CSMD1: variants seen among roughly 807,000 people sequenced by gnomAD.
CSMD1 encodes CUB and sushi domain-containing protein 1.
CSMD1 carries 213 observed loss-of-function variants against 417.5 expected under a neutral mutation model. That is an observed-to-expected ratio of 0.51 (90% CI 0.46 to 0.57). The LOEUF is 0.57. CSMD1 is among the 20% of genes least tolerant of loss of function. CSMD1 has a pLI of 0.00. For missense variants in CSMD1, 6,923 were observed against 4,529.7 expected, an observed-to-expected ratio of 1.53 and a Z score of -15.17; for synonymous variants, 2,862 against 1,736.8, an observed-to-expected ratio of 1.65 and a Z score of -16.11.
In CSMD1 at chr8:4,063,518, C is replaced by T. The variant is rs139390538; in HGVS notation, c.416-31419G>A. Among the ~76,000 whole-genome samples the T allele has an allele frequency of 1.3e-3, 192 of 152,212 alleles. 1 individual carries two copies. The highest frequency in any genetic ancestry group is 2.2e-3 in the Admixed American group (34 of 15,280). Reference sequence around the variant, plus strand: ...AAACAAAACAGAACTATTCTGTGTGCCACAGTTTTAATACCAAGAAAAATA... The same window carrying T: ...AAACAAAACAGAACTATTCTGTGTGTCACAGTTTTAATACCAAGAAAAATA... On this transcript the variant is annotated intron_variant, in intron 3 of 69. Transcript: ENST00000635120.
chr8:3,103,188 C>G (rs1815884065), intron 46 of CSMD1, among the ~76,000 whole-genome samples: 1 of 152,176 alleles, frequency 6.6e-6, no homozygotes, highest in Non-Finnish European at 1.5e-5. Flanking sequence ...GGTACATAAG[C>G]TCTAAAAAAC....
intron 3 of CSMD1, among the ~76,000 whole-genome samples, chr8:4,038,334 C>T (rs1797723070): frequency 6.6e-6 from 1 of 151,984 alleles, no homozygotes; most frequent in African/African-American, 2.4e-5. Flanking sequence ...ATTATAAATC[C>T]ATTAGCAATT....
At chr8:4,182,678 A>C (rs570614070) in intron 3 of CSMD1, among the ~76,000 whole-genome samples, 98 of 152,292 alleles carry the variant, frequency 6.4e-4, no homozygotes, top group African/African-American at 2.4e-3. Context: ...ACAAATTGTG[A>C]ATGCCCGATT....
intron 26 of CSMD1, among the ~76,000 whole-genome samples, chr8:3,249,721 A>T (rs1430782096): frequency 6.6e-6 from 1 of 150,414 alleles, no homozygotes; most frequent in African/African-American, 2.4e-5. Context: ...CATTTATAAT[A>T]AGCTCCAAGA....
At chr8:4,030,074 T>C (rs1414194319) in intron 4 of CSMD1, among the ~76,000 whole-genome samples, 2 of 152,178 alleles carry the variant, frequency 1.3e-5, no homozygotes, top group Non-Finnish European at 2.9e-5. Flanking sequence ...AGAATACAGC[T>C]TCCCTCCTGG....
intron 1 of CSMD1, among the ~76,000 whole-genome samples, chr8:4,924,194 G>T (rs1284251725): frequency 6.6e-6 from 1 of 152,242 alleles, no homozygotes; most frequent in Non-Finnish European, 1.5e-5. Context: ...AGAAAAAAAT[G>T]TAGGATCCAC....
intron 51 of CSMD1, among the ~76,000 whole-genome samples, chr8:3,027,965 C>T (rs766888384): frequency 4.6e-5 from 7 of 152,174 alleles, no homozygotes; most frequent in Admixed American, 1.3e-4. Flanking sequence ...TCTTCGGGAA[C>T]GCTGAGTTGT....
intron 3 of CSMD1, among the ~76,000 whole-genome samples, chr8:4,201,244 T>TA (rs1057084359): frequency 1.3e-5 from 2 of 152,106 alleles, no homozygotes; most frequent in Non-Finnish European, 2.9e-5. Context: ...TGGTTGTAAG[T>TA]AAAAAAATTC....
intron 23 of CSMD1, among the ~76,000 whole-genome samples, chr8:3,336,549 T>C (rs921314181): frequency 5.3e-5 from 8 of 152,180 alleles, no homozygotes; most frequent in South Asian, 2.1e-4. Flanking sequence ...GTGGTTGGGA[T>C]TGAACAGAGT....
intron 52 of CSMD1, among the ~76,000 whole-genome samples, chr8:3,015,737 C>T (rs1291956459): frequency 6.6e-6 from 1 of 151,784 alleles, no homozygotes; most frequent in Admixed American, 6.6e-5. Flanking sequence ...TGGTGGAAAC[C>T]CAAAGTGATT....
In CSMD1 at chr8:4,718,599, T is replaced by G. The variant is rs117577901; in HGVS notation, c.86-81041A>C. ...ACATGAAAAGGAGGAGATAAACATA[T>G]AGTACGATTGAATTTTGATATTATT... On this transcript the variant is annotated intron_variant, in intron 1 of 69. Transcript: ENST00000635120. 1.6e-4 allele frequency among the ~76,000 whole-genome samples: 24 copies of G among 152,100 alleles called. No homozygotes were observed. The South Asian group carries it at 4.2e-3, about 26-fold the overall frequency.
chr8:4,257,538 C>T (rs1192480987), intron 3 of CSMD1, among the ~76,000 whole-genome samples: 1 of 152,034 alleles, frequency 6.6e-6, no homozygotes, highest in Non-Finnish European at 1.5e-5. Flanking sequence ...GAATAAAGTC[C>T]TTTCAATTAC....
At chr8:4,471,632 G>A (rs1164432582) in intron 2 of CSMD1, among the ~76,000 whole-genome samples, 3 of 152,070 alleles carry the variant, frequency 2.0e-5, no homozygotes, top group Non-Finnish European at 2.9e-5. Context: ...ACTCTGCGGC[G>A]ACTGGTTGGA....
chr8:4,737,423 G>C (rs528307123), intron 1 of CSMD1, among the ~76,000 whole-genome samples: 1 of 152,040 alleles, frequency 6.6e-6, no homozygotes, highest in African/African-American at 2.4e-5. Context: ...GAGATAATCT[G>C]TACCACAAAT....
At chr8:3,236,272 A>G (rs1799149869) in intron 26 of CSMD1, among the ~76,000 whole-genome samples, 2 of 152,162 alleles carry the variant, frequency 1.3e-5, no homozygotes, top group South Asian at 2.1e-4. Context: ...TAATGTATAT[A>G]TCTGCTTGTA....
At chr8:3,601,006 T>A (rs996617938) in intron 8 of CSMD1, among the ~76,000 whole-genome samples, 3 of 152,200 alleles carry the variant, frequency 2.0e-5, no homozygotes, top group African/African-American at 7.2e-5. Flanking sequence ...CTAATCTCTA[T>A]GTGCAAGAAT....
At chr8:3,860,049 C>A (rs1303515600) in intron 5 of CSMD1, among the ~76,000 whole-genome samples, 3 of 152,062 alleles carry the variant, frequency 2.0e-5, no homozygotes, top group South Asian at 2.1e-4. Flanking sequence ...GGGTCATGCC[C>A]TTGCGCTTTG....
chr8:3,684,356 T>C (rs1282109046), intron 7 of CSMD1, among the ~76,000 whole-genome samples: 1 of 146,660 alleles, frequency 6.8e-6, no homozygotes, highest in African/African-American at 2.5e-5. Context: ...CATACAAGCA[T>C]GTTGTATATT....
chr8:3,770,996 C>G (rs1309145961), intron 5 of CSMD1, among the ~76,000 whole-genome samples: 1 of 141,232 alleles, frequency 7.1e-6, no homozygotes, highest in East Asian at 2.1e-4. Flanking sequence ...CAGTTTCTCT[C>G]TCTCTCTCTC....
Sources: gnomAD v4.1 joint callset for allele counts (sites outside exome capture counted in the v4.1 genomes callset) on GRCh38, gnomAD v4.1.1 for gene constraint, MANE v1.5 for transcripts, NCBI Gene and HGNC (gene_info 2026-07-23, HGNC 2026-07-21) for gene names.